Variants in RELCH observed in about 807,000 individuals in gnomAD.
RELCH encodes RAB11 binding and LisH domain, coiled-coil and HEAT repeat containing.
RELCH carries 41 observed loss-of-function variants against 150.3 expected under a neutral mutation model. The observed-to-expected ratio is 0.27, with a 90% CI of 0.21 to 0.35. The LOEUF is 0.35. RELCH is among the 10% of genes least tolerant of loss of function. RELCH has a pLI of 1.00. For synonymous variants in RELCH, 478 were observed against 531.8 expected, an observed-to-expected ratio of 0.90 and a Z score of 1.39; for missense variants, 1,092 against 1,467.8, an observed-to-expected ratio of 0.74 and a Z score of 4.18.
rs1415398602 is a variant in RELCH, at chr18:62,255,394, T to G, written c.1825-13T>G. The G allele has an allele frequency of 6.3e-6, 10 of 1,589,808 alleles. No individual in the cohort carries two copies. The highest frequency in any genetic ancestry group is 1.3e-5 in the African/African-American group (1 of 74,550). On this transcript the variant is annotated splice_polypyrimidine_tract_variant and intron_variant, in intron 12 of 28. Coordinates refer to ENST00000644646, the MANE Select transcript of RELCH (RefSeq NM_001346231.2). Reference sequence around the variant, plus strand: ...GCTGTTTATGCTTGATTTATTTATTTTTTTTGCTCTAGATTAATCACAAAT... The same window carrying G: ...GCTGTTTATGCTTGATTTATTTATTGTTTTTGCTCTAGATTAATCACAAAT...
At chr18:62,245,340 T>A (rs1450535637) in intron 11 of RELCH, among the ~76,000 whole-genome samples, 3 of 152,184 alleles carry the variant, frequency 2.0e-5, no homozygotes, top group Admixed American at 2.0e-4. Flanking sequence ...ATGTTCAGTT[T>A]CGGCCAGGCG....
At chr18:62,218,042 C>T (rs2040597952) in intron 2 of RELCH, among the ~76,000 whole-genome samples, 1 of 151,922 alleles carries the variant, frequency 6.6e-6, no homozygotes, top group Non-Finnish European at 1.5e-5. Flanking sequence ...GATGATAGTA[C>T]TGCCTTAGGA....
At chr18:62,289,916 G>A (rs753034153) in intron 26 of RELCH, among the ~76,000 whole-genome samples, 1 of 152,128 alleles carries the variant, frequency 6.6e-6, no homozygotes, top group African/African-American at 2.4e-5. Flanking sequence ...TATTTCTCTA[G>A]ATCAGACTCT....
chr18:62,253,052 AG>A (rs1461745257), intron 12 of RELCH, among the ~76,000 whole-genome samples: 2 of 152,210 alleles, frequency 1.3e-5, no homozygotes, highest in Non-Finnish European at 2.9e-5. Flanking sequence ...GAGTAAACAA[AG>A]AAATGGTCTG....
Position 62,258,681 on chromosome 18 carries a change from GTTC to G in RELCH, c.2202+11_2202+13del. The G allele has an allele frequency of 6.4e-7, 1 of 1,569,176 alleles. No individual in the cohort carries two copies. The highest frequency in any genetic ancestry group is 8.6e-7 in the Non-Finnish European group (1 of 1,161,274). ...AAGATTGAAAAACTTCTCAGGGTAA[GTTC>G]TTCTTTTGTTTATATAGTTTGTAGA... is the stretch of plus-strand genomic sequence containing the variant. On this transcript the variant is annotated splice_donor_region_variant and intron_variant, in intron 15 of 28. Coordinates refer to ENST00000644646, the MANE Select transcript of RELCH (RefSeq NM_001346231.2).
At chr18:62,294,987 T>C (rs1028391060) in intron 27 of RELCH, among the ~76,000 whole-genome samples, 1 of 152,214 alleles carries the variant, frequency 6.6e-6, no homozygotes, top group Non-Finnish European at 1.5e-5. Context: ...TCAATTATTA[T>C]AAAAATGATA....
At chr18:62,197,107 T>C (rs2148209624) in intron 1 of RELCH, among the ~76,000 whole-genome samples, 1 of 152,322 alleles carries the variant, frequency 6.6e-6, no homozygotes, top group African/African-American at 2.4e-5. Context: ...ATAGCTCTTG[T>C]ATTTTTTCAT....
intron 1 of RELCH, among the ~76,000 whole-genome samples, chr18:62,193,199 T>G (rs2038777605): frequency 6.6e-6 from 1 of 152,190 alleles, no homozygotes. Context: ...GGAATCCCTG[T>G]GATATTTGCA....
rs2040864468 is a variant in RELCH at position 62,221,464 on chromosome 18, A to G, written c.825A>G (p.Thr275=). Residue 275 remains threonine (T), a synonymous_variant, in exon 5 of 29, where the codon ACA becomes ACG. Coordinates refer to ENST00000644646, the MANE Select transcript of RELCH (RefSeq NM_001346231.2). ...TATTGAAGAATAACTATAAGCTTAC[A>G]TCAATAACCTTTTCAGATGAAAACG... is the stretch of plus-strand genomic sequence containing the variant. The part of the protein sequence containing the change: ...EFLLKNNYKL[T]SITFSDENDD... The G allele has an allele frequency of 1.9e-6, 3 of 1,547,334 alleles. No individual in the cohort carries two copies. Among genetic ancestry groups the G allele is most frequent in the Admixed American group, 1.9e-5 (1 of 53,728 alleles).
intron 20 of RELCH, among the ~76,000 whole-genome samples, chr18:62,269,165 G>T (rs1039106230): frequency 1.3e-5 from 2 of 152,064 alleles, no homozygotes; most frequent in African/African-American, 4.8e-5. Context: ...TGAGCTTTTT[G>T]ATATTTTGTT....
rs2045965276 is a variant in RELCH, at chr18:62,310,068, G to T, written c.*4534G>T. The stretch of plus-strand genomic sequence containing the variant: ...GTTACAGATAATCTCTCTATAAAAT[G>T]TACATTGCTGAGTAATATAAATATA... On this transcript the variant is annotated 3_prime_UTR_variant, in exon 29 of 29. Transcript: ENST00000644646. 2.1e-5 allele frequency: 3 copies of T among 142,396 alleles called. No individual in the cohort carries two copies. Among genetic ancestry groups the T allele is most frequent in the Admixed American group, 1.5e-4 (2 of 13,392 alleles). The allele number at this position is 142,396 out of a possible 1,614,324, so 8.8% of individuals were successfully genotyped here. A position where few individuals can be genotyped will look rare whatever the true frequency, so the allele number is the denominator to read the frequency against.
chr18:62,268,949 G>A lies in RELCH; in HGVS notation c.2760+1G>A. 1 of 1,492,048 alleles carries A rather than the reference G, an allele frequency of 6.7e-7. No homozygotes were observed. The highest frequency in any genetic ancestry group is 9.0e-7 in the Non-Finnish European group (1 of 1,106,642). 92.4% of individuals were successfully genotyped at this position (1,492,048 alleles called of 1,614,324 possible). On this transcript the variant is annotated splice_donor_variant, in intron 20 of 28. Transcript: ENST00000644646. LOFTEE classifies it high-confidence loss of function. ...AGGAGTCCTTACGTGTTATATTCAGGTAAGGGAAAAATTCTTACTCTCTAG... is the reference window on the plus strand; with the variant it reads ...AGGAGTCCTTACGTGTTATATTCAGATAAGGGAAAAATTCTTACTCTCTAG...
At chr18:62,253,267 TTGTGTGTGTGTGTGTGTGTGTGTG>T (rs68067609) in intron 12 of RELCH, among the ~76,000 whole-genome samples, 65 of 136,552 alleles carry the variant, frequency 4.8e-4, no homozygotes, top group African/African-American at 1.7e-3. Context: ...AGCAAGAAGA[TTGTGTGTGTGTGTGTGTGTGTGTG>T]TGTGTGTGTG....
intron 1 of RELCH, among the ~76,000 whole-genome samples, chr18:62,195,280 C>CTGTG (rs148387504): frequency 0.059 from 8,083 of 136,248 alleles, 601 homozygotes; most frequent in African/African-American, 0.17. Context: ...TACACACACT[C>CTGTG]TGTGTGTGTG....
chr18:62,247,324 T>C (rs1017129433), intron 11 of RELCH: 2 of 152,108 alleles, frequency 1.3e-5, no homozygotes, highest in African/African-American at 4.8e-5. Context: ...TTTTGAAACA[T>C]CATTTAGTGG....
At chr18:62,285,312 C>G (rs536922120) in intron 25 of RELCH, 4 of 151,962 alleles carry the variant, frequency 2.6e-5, no homozygotes, top group Non-Finnish European at 2.9e-5. Context: ...TAATTTTCTG[C>G]GAAATACGGT....
intron 19 of RELCH, among the ~76,000 whole-genome samples, chr18:62,267,476 A>C (rs1213756431): frequency 8.0e-6 from 1 of 124,404 alleles, no homozygotes; most frequent in East Asian, 2.7e-4. Context: ...TATATAGTCT[A>C]GGTATATATG....
chr18:62,221,365 C>T lies in RELCH; in HGVS notation c.745-19C>T. The T allele has an allele frequency of 6.4e-7, 1 of 1,551,330 alleles. No individual in the cohort carries two copies. On this transcript the variant is annotated intron_variant, in intron 4 of 28. Coordinates refer to ENST00000644646, the MANE Select transcript of RELCH (RefSeq NM_001346231.2). ...AGGAATACTTATGATTTCCTGTTTG[C>T]CTCTTATTTTGCTTCCAGGAGCCAA... is the stretch of plus-strand genomic sequence containing the variant.
rs2040179235 is a variant in RELCH at position 62,211,675 on chromosome 18, G to A, written c.616+433G>A. ...TTCACACCTGTAATCCCAGCTATTTGCTATTTGGGAAGCTGAGGTGGGAGG... is the reference window on the plus strand; with the variant it reads ...TTCACACCTGTAATCCCAGCTATTTACTATTTGGGAAGCTGAGGTGGGAGG... On this transcript the variant is annotated intron_variant, in intron 2 of 28. Coordinates refer to ENST00000644646, the MANE Select transcript of RELCH (RefSeq NM_001346231.2). Among the ~76,000 whole-genome samples the A allele has an allele frequency of 2.0e-5, 3 of 151,942 alleles. 1 individual carries two copies. The South Asian group carries it at 6.2e-4, about 32-fold the overall frequency.
Sources: gnomAD v4.1 joint callset for allele counts (sites outside exome capture counted in the v4.1 genomes callset) on GRCh38, gnomAD v4.1.1 for gene constraint, MANE v1.5 for transcripts, NCBI Gene and HGNC (gene_info 2026-07-23, HGNC 2026-07-21) for gene names.